The following CLASP1 variants were observed in gnomAD, a reference collection of about 807,000 sequenced individuals.
CLASP1 encodes cytoplasmic linker associated protein 1.
A neutral mutation model predicts 192.3 loss-of-function variants in CLASP1; 38 were observed. That is an observed-to-expected ratio of 0.20 (90% CI 0.15 to 0.26). CLASP1 has a LOEUF of 0.26. Among genes scored for constraint, CLASP1 ranks in the 10% least tolerant of loss-of-function variants. The pLI, the probability that CLASP1 is intolerant of heterozygous loss-of-function variation, is 1.00. For missense variants in CLASP1, 1,433 were observed against 1,932.5 expected, an observed-to-expected ratio of 0.74 and a Z score of 4.85; for synonymous variants, 691 against 712.8, an observed-to-expected ratio of 0.97 and a Z score of 0.49.
chr2:121,394,180 C>T (rs188116304), intron 30 of CLASP1, among the ~76,000 whole-genome samples: 119 of 152,224 alleles, frequency 7.8e-4, no homozygotes, highest in Non-Finnish European at 1.2e-3. Context: ...TTGTGTTACA[C>T]GGCAGAAGTG....
intron 2 of CLASP1, among the ~76,000 whole-genome samples, chr2:121,550,274 C>T (rs1010721134): frequency 2.6e-5 from 4 of 151,982 alleles, no homozygotes; most frequent in East Asian, 1.9e-4. Context: ...ATTCATAGCA[C>T]TAAATGCCAA....
Position 121,483,482 on chromosome 2 carries a change from G to GTA in CLASP1, c.713-13524_713-13523dup, listed in dbSNP as rs756287325. On this transcript the variant is annotated intron_variant, in intron 8 of 39. Transcript: ENST00000263710. ...TGTGTGTGTGTGTGTATATATGTAT[G>GTA]TATATATATATGTGTGTATATATAT... Among the ~76,000 whole-genome samples, 198 of 151,224 alleles carry GTA rather than the reference G, an allele frequency of 1.3e-3. 2 individuals carry two copies. Among genetic ancestry groups the GTA allele is most frequent in the East Asian group, 7.2e-3 (37 of 5,124 alleles).
intron 25 of CLASP1, among the ~76,000 whole-genome samples, chr2:121,404,799 C>T (rs1055899356): frequency 5.3e-5 from 8 of 152,190 alleles, no homozygotes; most frequent in Non-Finnish European, 1.2e-4. Flanking sequence ...CTCAAGCTAA[C>T]ACATCTGGAA....
intron 23 of CLASP1, among the ~76,000 whole-genome samples, chr2:121,412,764 C>T (rs1024773683): frequency 2.6e-5 from 4 of 152,090 alleles, no homozygotes; most frequent in Non-Finnish European, 5.9e-5. Context: ...ATATCACAGA[C>T]AATTTGAATT....
Position 121,387,636 on chromosome 2 carries a change from T to C in CLASP1, c.3267+127A>G, listed in dbSNP as rs2073541855. 6.5e-6 allele frequency: 6 copies of C among 917,646 alleles called. No individual in the cohort carries two copies. The East Asian group carries it at 1.0e-4, about 15-fold the overall frequency. 56.8% of individuals were successfully genotyped at this position (917,646 alleles called of 1,614,324 possible). A position where few individuals can be genotyped will look rare whatever the true frequency, so the allele number is the denominator to read the frequency against. On this transcript the variant is annotated intron_variant, in intron 31 of 39. Coordinates refer to ENST00000263710, the Ensembl canonical transcript of CLASP1. The stretch of plus-strand genomic sequence containing the variant: ...ACTGGGGCTTAAGATGGCCCCATCC[T>C]CAGGATGCTCGACATTTCCTGAAAG...
In CLASP1 at chr2:121,373,704, A is replaced by G. The variant is rs951555531; in HGVS notation, c.3642+3795T>C. ...GTGCTTTAGCAAACAGACTGGCAGC[A>G]CTGTGCCCCTGCCCTACAGATCTGT... On this transcript the variant is annotated intron_variant, in intron 34 of 39. Coordinates refer to ENST00000263710, the Ensembl canonical transcript of CLASP1. Among the ~76,000 whole-genome samples the G allele has an allele frequency of 2.6e-5, 4 of 152,218 alleles. No homozygotes were observed. The East Asian group carries it at 7.7e-4, about 29-fold the overall frequency.
chr2:121,385,141 T>C (rs1453297937), intron 32 of CLASP1, among the ~76,000 whole-genome samples: 1 of 152,226 alleles, frequency 6.6e-6, no homozygotes, highest in African/African-American at 2.4e-5. Flanking sequence ...TTTATCATTT[T>C]CCTGTTAGAA....
At chr2:121,642,015 C>CATAA (rs10680096) in intron 1 of CLASP1, among the ~76,000 whole-genome samples, 35,932 of 151,538 alleles carry the variant, frequency 0.24, 6,425 homozygotes, top group African/African-American at 0.5. Context: ...AAAAAAAGCT[C>CATAA]ATACCCTTAA....
intron 37 of CLASP1, among the ~76,000 whole-genome samples, chr2:121,349,480 A>G (rs1020615825): frequency 1.3e-5 from 2 of 152,170 alleles, no homozygotes; most frequent in African/African-American, 4.8e-5. Flanking sequence ...TAGGACCTGA[A>G]TACAGAAATG....
At chr2:121,567,833 G>A (rs1054357340) in intron 2 of CLASP1, among the ~76,000 whole-genome samples, 3 of 152,142 alleles carry the variant, frequency 2.0e-5, no homozygotes, top group Non-Finnish European at 4.4e-5. Context: ...CCTTTGGAGC[G>A]CCACATAATA....
At chr2:121,634,022 C>T (rs1285025930) in intron 1 of CLASP1, among the ~76,000 whole-genome samples, 1 of 151,794 alleles carries the variant, frequency 6.6e-6, no homozygotes, top group Non-Finnish European at 1.5e-5. Context: ...AACCAGACCC[C>T]AGAGTACCCA....
intron 2 of CLASP1, among the ~76,000 whole-genome samples, chr2:121,553,574 G>A (rs144946736): frequency 0.016 from 2,400 of 152,058 alleles, 21 homozygotes; most frequent in Non-Finnish European, 0.024. Flanking sequence ...GGTGGCAGGC[G>A]CCTGTAGTCC....
intron 8 of CLASP1, among the ~76,000 whole-genome samples, chr2:121,498,201 C>CTTTTTTT (rs70954551): frequency 1.8e-4 from 22 of 119,092 alleles, no homozygotes; most frequent in African/African-American, 6.7e-4. Context: ...GTAATAGTTT[C>CTTTTTTT]TTTTTTTTTT....
intron 29 of CLASP1, among the ~76,000 whole-genome samples, chr2:121,397,579 T>C (rs1311484910): frequency 2.6e-5 from 4 of 152,228 alleles, no homozygotes; most frequent in South Asian, 2.1e-4. Context: ...GCAGGAGCCC[T>C]TGAGAGGGGC....
At chr2:121,531,032 A>C (rs914995864) in intron 2 of CLASP1, 53 of 699,900 alleles carry the variant, frequency 7.6e-5, no homozygotes, top group African/African-American at 6.3e-4. Context: ...TCATAGACTT[A>C]TCAGTTCAAA....
At chr2:121,457,583 T>C in intron 14 of CLASP1, 104 bp downstream of exon 14, 3 of 823,074 alleles carry the variant, frequency 3.6e-6, no homozygotes, top group Non-Finnish European at 4.0e-6. Context: ...TTTTAAGTAA[T>C]ACTAAGCATG....
chr2:121,452,531 C>T (rs1052310386), intron 14 of CLASP1, among the ~76,000 whole-genome samples: 1 of 152,252 alleles, frequency 6.6e-6, no homozygotes. Context: ...TGGCTCACTC[C>T]TGTAATCCCA....
chr2:121,394,000 G>A (rs994629392), intron 30 of CLASP1, among the ~76,000 whole-genome samples: 12 of 151,916 alleles, frequency 7.9e-5, no homozygotes, highest in African/African-American at 1.7e-4. Context: ...AGGAATTATC[G>A]AATAACTATG....
chr2:121,423,855 T>C (rs1266740121), intron 22 of CLASP1, among the ~76,000 whole-genome samples: 2 of 152,240 alleles, frequency 1.3e-5, no homozygotes, highest in Non-Finnish European at 2.9e-5. Flanking sequence ...ATCTTATCCA[T>C]TCTTAAATAT....
Sources: gnomAD v4.1 joint callset for allele counts (sites outside exome capture counted in the v4.1 genomes callset) on GRCh38, gnomAD v4.1.1 for gene constraint, MANE v1.5 for transcripts, NCBI Gene and HGNC (gene_info 2026-07-23, HGNC 2026-07-21) for gene names.